KIZ: variants seen among roughly 807,000 people sequenced by gnomAD.
KIZ encodes the protein kizuna centrosomal protein, also known as centrosomal protein kizuna.
Under a neutral mutation model 79.6 loss-of-function variants are expected in KIZ, and 68 were observed. The ratio of observed to expected loss-of-function variants is 0.85; its 90% confidence interval spans 0.70 to 1.05. The LOEUF is 1.05. KIZ is among the 50% of genes least tolerant of loss of function. KIZ has a pLI of 0.00. For missense variants in KIZ, 797 were observed against 800.4 expected, an observed-to-expected ratio of 1.00 and a Z score of 0.05; for synonymous variants, 280 against 281.8, an observed-to-expected ratio of 0.99 and a Z score of 0.06.
intron 2 of KIZ, among the ~76,000 whole-genome samples, chr20:21,134,783 C>G (rs1291245806): frequency 6.6e-6 from 1 of 151,642 alleles, no homozygotes; most frequent in African/African-American, 2.4e-5. Flanking sequence ...TCTCCTGCCT[C>G]AGCCTCCTGA....
rs373754230 is a variant in KIZ at position 21,179,208 on chromosome 20, TG to T, written c.1352+16050del. Among the ~76,000 whole-genome samples, 188 of 112,804 alleles carry T rather than the reference TG, an allele frequency of 1.7e-3. 1 individual carries two copies. The highest frequency in any genetic ancestry group is 3.1e-3 in the South Asian group (8 of 2,596). 74.0% of individuals were successfully genotyped at this position (112,804 alleles called of 152,430 possible). ...AAGCTATCTGGTCCTGGGGTTTTTT[TG>T]TTTTTTTTTTTTTTTTGATGGGAGG... On this transcript the variant is annotated intron_variant, in intron 6 of 12. Transcript: ENST00000619189.
At chr20:21,161,347 ACTTT>A (rs1335369833) in intron 4 of KIZ, among the ~76,000 whole-genome samples, 2 of 152,032 alleles carry the variant, frequency 1.3e-5, no homozygotes, top group African/African-American at 2.4e-5. Flanking sequence ...CATATTCTAT[ACTTT>A]CTTTTTTTTG....
intron 6 of KIZ, among the ~76,000 whole-genome samples, chr20:21,165,828 A>T (rs6047282): frequency 0.57 from 86,287 of 152,170 alleles, 26,517 homozygotes; most frequent in South Asian, 0.78. Flanking sequence ...ATGAGACTTT[A>T]AAAGAGACTG....
chr20:21,211,874 A>G (rs766007893), intron 7 of KIZ, among the ~76,000 whole-genome samples: 2 of 152,216 alleles, frequency 1.3e-5, no homozygotes, highest in Non-Finnish European at 2.9e-5. Context: ...AGATCACGTG[A>G]GGACAGGAGT....
chr20:21,167,215 A>T (rs185956427), intron 6 of KIZ, among the ~76,000 whole-genome samples: 1 of 152,230 alleles, frequency 6.6e-6, no homozygotes, highest in African/African-American at 2.4e-5. Flanking sequence ...GCAATTTGTG[A>T]TACAGCAATA....
At chr20:21,170,163 A>G (rs577529477) in intron 6 of KIZ, among the ~76,000 whole-genome samples, 3 of 152,076 alleles carry the variant, frequency 2.0e-5, no homozygotes, top group African/African-American at 7.2e-5. Context: ...ATTTTTGTAG[A>G]TACATAGTAG....
At chr20:21,130,869 G>T (rs2122292547) in intron 1 of KIZ, among the ~76,000 whole-genome samples, 1 of 152,332 alleles carries the variant, frequency 6.6e-6, no homozygotes, top group East Asian at 1.9e-4. Flanking sequence ...AAGATATATA[G>T]AAACTGATAA....
At chr20:21,136,608 T>G in intron 3 of KIZ, 56 bp downstream of exon 3, 1 of 1,348,542 alleles carries the variant, frequency 7.4e-7, no homozygotes. Context: ...TGTTTTTTTT[T>G]TTTTCTTCAA....
At chr20:21,242,095 C>A (rs1417671975) in intron 11 of KIZ, among the ~76,000 whole-genome samples, 1 of 152,218 alleles carries the variant, frequency 6.6e-6, no homozygotes, top group African/African-American at 2.4e-5. Flanking sequence ...CCGCCTTACC[C>A]AGGTGAGCTG....
At chr20:21,226,185 T>C (rs1417624308) in intron 9 of KIZ, 2 of 152,324 alleles carry the variant, frequency 1.3e-5, no homozygotes, top group South Asian at 4.1e-4. Context: ...AGGCAGCAAT[T>C]GGCTGAAGCC....
intron 6 of KIZ, among the ~76,000 whole-genome samples, chr20:21,200,958 T>C (rs2035573730): frequency 6.6e-6 from 1 of 151,992 alleles, no homozygotes; most frequent in African/African-American, 2.4e-5. Flanking sequence ...GGCAGGTGGA[T>C]TGCTTGAGCT....
intron 11 of KIZ, among the ~76,000 whole-genome samples, chr20:21,240,025 G>A (rs1182236745): frequency 6.6e-6 from 1 of 152,150 alleles, no homozygotes; most frequent in Middle Eastern, 3.2e-3. Flanking sequence ...AATGGGAATG[G>A]GACATTCCTG....
chr20:21,194,977 A>C (rs1199816616), intron 6 of KIZ: 4 of 152,228 alleles, frequency 2.6e-5, no homozygotes, highest in Non-Finnish European at 5.9e-5. Flanking sequence ...AAAAGTAAAA[A>C]ATTTAGAAGT....
At chr20:21,135,884 A>G (rs1005402582) in intron 2 of KIZ, among the ~76,000 whole-genome samples, 4 of 152,164 alleles carry the variant, frequency 2.6e-5, no homozygotes, top group African/African-American at 7.2e-5. Flanking sequence ...TATTGTAGCA[A>G]TTTCTAACAA....
chr20:21,209,943 A>G (rs1397102663), intron 7 of KIZ, among the ~76,000 whole-genome samples: 1 of 144,112 alleles, frequency 6.9e-6, no homozygotes, highest in Non-Finnish European at 1.5e-5. Context: ...AAAAACAAGC[A>G]TTAAAAATCT....
chr20:21,239,796 T>C (rs941698884), intron 11 of KIZ, among the ~76,000 whole-genome samples: 73 of 152,220 alleles, frequency 4.8e-4, no homozygotes, highest in African/African-American at 1.7e-3. Flanking sequence ...ATAAAACCTA[T>C]TCTGTTGAAG....
chr20:21,246,183 T>G, intron 12 of KIZ: 1 of 352,480 alleles, frequency 2.8e-6, no homozygotes. Flanking sequence ...CCTGCTTCCA[T>G]GTAACCCTGA....
intron 1 of KIZ, among the ~76,000 whole-genome samples, chr20:21,127,519 TAAAC>T (rs1397429014): frequency 6.6e-6 from 1 of 152,256 alleles, no homozygotes; most frequent in Non-Finnish European, 1.5e-5. Flanking sequence ...ATTTAATTAT[TAAAC>T]AAGGTGAGGC....
intron 2 of KIZ, among the ~76,000 whole-genome samples, chr20:21,133,510 G>C (rs899461374): frequency 1.3e-5 from 2 of 152,332 alleles, no homozygotes; most frequent in Middle Eastern, 3.4e-3. Context: ...GGTGGGAGGG[G>C]CAAGTGTGAG....
Sources: gnomAD v4.1 joint callset for allele counts (sites outside exome capture counted in the v4.1 genomes callset) on GRCh38, gnomAD v4.1.1 for gene constraint, MANE v1.5 for transcripts, NCBI Gene and HGNC (gene_info 2026-07-23, HGNC 2026-07-21) for gene names.